Variants in GLIS3 observed in about 807,000 individuals in gnomAD.
GLIS3 encodes zinc finger protein GLIS3.
In GLIS3, 53 loss-of-function variants were observed where a neutral mutation model predicts 78.6. That is an observed-to-expected ratio of 0.67 (90% confidence interval 0.54 to 0.85). The LOEUF (loss-of-function observed/expected upper bound fraction) is 0.85. GLIS3 is among the 40% of genes least tolerant of loss of function. The probability of loss-of-function intolerance (pLI) is 0.00; values close to 1 mark genes in which losing one functional copy is unlikely to be tolerated. For missense variants in GLIS3, 1,703 were observed against 1,231.1 expected (o/e 1.38, Z -5.74); for synonymous variants, 684 against 509.9 (o/e 1.34, Z -4.60).
intron 1 of GLIS3, among the ~76,000 whole-genome samples, chr9:4,294,565 C>T (rs1242596725): frequency 6.6e-6 from 1 of 152,014 alleles, no homozygotes; most frequent in African/African-American, 2.4e-5. Context: ...ATGCTTAGCA[C>T]ACTGTTCAGC....
At chr9:4,173,413 G>A (rs974245304) in intron 2 of GLIS3, among the ~76,000 whole-genome samples, 2 of 152,076 alleles carry the variant, frequency 1.3e-5, no homozygotes, top group Non-Finnish European at 2.9e-5. Flanking sequence ...CGTGCCACGT[G>A]TGTCTTCTTA....
At chr9:4,470,852 A>G in the GLIS3 span, among the ~76,000 whole-genome samples, 1 of 151,716 alleles carries the variant, frequency 6.6e-6, no homozygotes, top group Non-Finnish European at 1.5e-5. Context: ...TATCTAGAAA[A>G]CCCCATTGTC....
At chr9:4,213,554 T>C (rs1363646651) in intron 2 of GLIS3, among the ~76,000 whole-genome samples, 4 of 152,150 alleles carry the variant, frequency 2.6e-5, no homozygotes, top group Non-Finnish European at 5.9e-5. Context: ...AATTAAGAAA[T>C]TGAATTTTTA....
At chr9:3,948,744 C>T (rs1001486911) in intron 4 of GLIS3, among the ~76,000 whole-genome samples, 6 of 152,142 alleles carry the variant, frequency 3.9e-5, no homozygotes, top group African/African-American at 1.2e-4. Context: ...ATTTAAACTA[C>T]TGTTGTTTAT....
At chr9:4,480,845 A>AT in the GLIS3 span, among the ~76,000 whole-genome samples, 6 of 151,698 alleles carry the variant, frequency 4.0e-5, 1 homozygote, top group South Asian at 1.3e-3. Flanking sequence ...GAAAAAAAAA[A>AT]AAAAACCCAC....
chr9:4,484,521 C>G, the GLIS3 span, among the ~76,000 whole-genome samples: 12 of 139,572 alleles, frequency 8.6e-5, no homozygotes, highest in Non-Finnish European at 1.7e-4. Flanking sequence ...CGAGTTCAAG[C>G]AATTATCTTG....
chr9:4,309,692 G>C (rs186152769), intron 3 of GLIS3, among the ~76,000 whole-genome samples: 2 of 152,250 alleles, frequency 1.3e-5, no homozygotes, highest in Admixed American at 1.3e-4. Context: ...TCTGAAAGTA[G>C]AAGTTCCATA....
intron 4 of GLIS3, among the ~76,000 whole-genome samples, chr9:4,000,126 G>A (rs544717216): frequency 6.6e-6 from 1 of 152,108 alleles, no homozygotes; most frequent in East Asian, 1.9e-4. Context: ...ATAATTACTT[G>A]ACAAATATTC....
intron 2 of GLIS3, among the ~76,000 whole-genome samples, chr9:4,159,816 C>T (rs1021112623): frequency 6.6e-6 from 1 of 152,122 alleles, no homozygotes; most frequent in African/African-American, 2.4e-5. Flanking sequence ...TTGTGACCAA[C>T]AATGAAATAC....
intron 2 of GLIS3, among the ~76,000 whole-genome samples, chr9:4,189,737 A>C (rs1056038171): frequency 6.6e-6 from 1 of 151,894 alleles, no homozygotes; most frequent in Non-Finnish European, 1.5e-5. Flanking sequence ...TGATCCCTTT[A>C]CCATTATGTA....
At chr9:4,402,687 A>G in the GLIS3 span, among the ~76,000 whole-genome samples, 3 of 152,250 alleles carry the variant, frequency 2.0e-5, no homozygotes, top group African/African-American at 7.2e-5. Flanking sequence ...GACATGCTGA[A>G]AAATGCATTA....
At chr9:4,202,480 C>A (rs546376188) in intron 2 of GLIS3, among the ~76,000 whole-genome samples, 2 of 151,514 alleles carry the variant, frequency 1.3e-5, no homozygotes, top group Non-Finnish European at 2.9e-5. Context: ...ATAAAATTCA[C>A]GTGAAACCAA....
At chr9:4,063,932 AAGAAC>A (rs1826866899) in intron 4 of GLIS3, among the ~76,000 whole-genome samples, 1 of 152,200 alleles carries the variant, frequency 6.6e-6, no homozygotes. Context: ...ATAAGTAAAG[AAGAAC>A]AGATCACAAA....
chr9:4,239,586 G>A (rs571007218), intron 2 of GLIS3, among the ~76,000 whole-genome samples: 1 of 152,306 alleles, frequency 6.6e-6, no homozygotes, highest in South Asian at 2.1e-4. Flanking sequence ...CCATACTGAT[G>A]TGCTCTAGCT....
intron 2 of GLIS3, among the ~76,000 whole-genome samples, chr9:4,155,416 G>A (rs560790796): frequency 6.6e-6 from 1 of 152,174 alleles, no homozygotes; most frequent in African/African-American, 2.4e-5. Context: ...ACCTGGCCGT[G>A]GCGTAGATTC....
chr9:4,157,733 C>T (rs940171720), intron 2 of GLIS3, among the ~76,000 whole-genome samples: 1 of 152,078 alleles, frequency 6.6e-6, no homozygotes, highest in South Asian at 2.1e-4. Flanking sequence ...AGTGCTTCCA[C>T]AAAGCACATA....
intron 2 of GLIS3, among the ~76,000 whole-genome samples, chr9:4,228,324 G>A (rs1055571671): frequency 6.6e-6 from 1 of 152,104 alleles, no homozygotes; most frequent in Non-Finnish European, 1.5e-5. Context: ...GAGTATAGGG[G>A]AGGAGTCGGG....
the GLIS3 span, among the ~76,000 whole-genome samples, chr9:4,394,573 C>G: frequency 6.6e-6 from 1 of 152,080 alleles, no homozygotes; most frequent in East Asian, 1.9e-4. Flanking sequence ...GAAAATTTAC[C>G]TGTAAGTCAG....
At chr9:4,368,457 G>A in the GLIS3 span, among the ~76,000 whole-genome samples, 1 of 150,946 alleles carries the variant, frequency 6.6e-6, no homozygotes, top group Admixed American at 6.6e-5. Flanking sequence ...CCCTTCTCTT[G>A]CCTCAGCCTC....
Sources: gnomAD v4.1 joint callset for allele counts (sites outside exome capture counted in the v4.1 genomes callset) on GRCh38, gnomAD v4.1.1 for gene constraint, MANE v1.5 for transcripts, NCBI Gene and HGNC (gene_info 2026-07-23, HGNC 2026-07-21) for gene names.